The following KCNIP1 variants were observed in gnomAD, a reference collection of about 807,000 sequenced individuals.
KCNIP1 encodes the protein potassium voltage-gated channel interacting protein 1, also known as A-type potassium channel modulatory protein KCNIP1.
In KCNIP1, 18 loss-of-function variants were observed where a neutral mutation model predicts 33.0. The ratio of observed to expected loss-of-function variants is 0.55; its 90% CI spans 0.38 to 0.81. The LOEUF is 0.81. Ranked by LOEUF, KCNIP1 falls within the 30% of genes least tolerant of loss-of-function variation. The pLI is 0.00. For synonymous variants in KCNIP1, 93 were observed against 98.3 expected (o/e 0.95, Z 0.32); for missense variants, 238 against 271.6 (o/e 0.88, Z 0.87).
chr5:170,463,017 A>G (rs930836394), intron 1 of KCNIP1, among the ~76,000 whole-genome samples: 10 of 152,310 alleles, frequency 6.6e-5, no homozygotes, highest in African/African-American at 2.4e-4. Context: ...AATATGGTGC[A>G]GTATATACTG....
At chr5:170,395,298 G>A (rs1754730426) in intron 1 of KCNIP1, among the ~76,000 whole-genome samples, 1 of 152,132 alleles carries the variant, frequency 6.6e-6, no homozygotes, top group African/African-American at 2.4e-5. Context: ...ATTCTGACTG[G>A]TACGAGGTGA....
At chr5:170,503,218 C>T (rs1452248616), upstream of KCNIP1, among the ~76,000 whole-genome samples, 1 of 151,792 alleles carries the variant, frequency 6.6e-6, no homozygotes, top group Non-Finnish European at 1.5e-5. Context: ...GGCGAAACCC[C>T]GTCTCTATTA....
At chr5:170,508,728 A>G (rs896468263) in intron 1 of KCNIP1, among the ~76,000 whole-genome samples, 1 of 152,164 alleles carries the variant, frequency 6.6e-6, no homozygotes, top group African/African-American at 2.4e-5. Context: ...TGCCTTGTCT[A>G]ATAGTTAAAA....
At chr5:170,447,738 G>C (rs2113060310) in intron 1 of KCNIP1, among the ~76,000 whole-genome samples, 1 of 151,978 alleles carries the variant, frequency 6.6e-6, no homozygotes, top group East Asian at 1.9e-4. Context: ...ATTTCAGTGG[G>C]CCAACGAATG....
At chr5:170,639,202 C>T (rs544785806) in intron 1 of KCNIP1, 1 of 152,318 alleles carries the variant, frequency 6.6e-6, no homozygotes, top group Non-Finnish European at 1.5e-5. Context: ...GAATGACATT[C>T]GACTCTGCTT....
At chr5:170,664,410 C>T (rs1310173106) in intron 1 of KCNIP1, among the ~76,000 whole-genome samples, 3 of 152,156 alleles carry the variant, frequency 2.0e-5, no homozygotes, top group African/African-American at 7.2e-5. Context: ...CCTCCCTGTG[C>T]AAGTGCTCAT....
intron 1 of KCNIP1, among the ~76,000 whole-genome samples, chr5:170,364,711 A>G (rs1368832425): frequency 1.3e-5 from 2 of 152,196 alleles, no homozygotes; most frequent in Non-Finnish European, 2.9e-5. Flanking sequence ...GCTTTTCTGC[A>G]CAGCCCTTAC....
chr5:170,589,710 T>TTGGTGTGGTG (rs879743726), intron 1 of KCNIP1, among the ~76,000 whole-genome samples: 11,676 of 136,076 alleles, frequency 0.086, 576 homozygotes, highest in South Asian at 0.12. Flanking sequence ...TCTGTTTGGT[T>TTGGTGTGGTG]TGGTGTGGTG....
chr5:170,606,581 G>C (rs980463834), intron 1 of KCNIP1, among the ~76,000 whole-genome samples: 2 of 152,114 alleles, frequency 1.3e-5, no homozygotes, highest in Non-Finnish European at 2.9e-5. Flanking sequence ...CCAGAAGGTG[G>C]CCATCTCAAA....
intron 1 of KCNIP1, among the ~76,000 whole-genome samples, chr5:170,445,178 C>T (rs954068606): frequency 1.3e-5 from 2 of 152,132 alleles, no homozygotes; most frequent in African/African-American, 4.8e-5. Flanking sequence ...CTGTGGGGCC[C>T]AGGGTTTTAT....
intron 1 of KCNIP1, among the ~76,000 whole-genome samples, chr5:170,367,324 G>A (rs1366186586): frequency 8.9e-6 from 1 of 112,078 alleles, no homozygotes; most frequent in Non-Finnish European, 1.9e-5. Flanking sequence ...CAAAAAAAAA[G>A]AAGAAAGAAG....
chr5:170,508,078 G>A (rs1055202376), intron 1 of KCNIP1, among the ~76,000 whole-genome samples: 4 of 152,182 alleles, frequency 2.6e-5, no homozygotes, highest in Non-Finnish European at 4.4e-5. Context: ...GCTTGTCAGC[G>A]GGGCAGGAGA....
chr5:170,385,167 C>T, intron 1 of KCNIP1: 1 of 882,102 alleles, frequency 1.1e-6, no homozygotes, highest in Non-Finnish European at 1.8e-6. Flanking sequence ...TGCACTTGAA[C>T]CCTAGAACCT....
intron 1 of KCNIP1, among the ~76,000 whole-genome samples, chr5:170,404,292 T>G (rs932495972): frequency 2.6e-5 from 4 of 152,148 alleles, no homozygotes; most frequent in African/African-American, 9.7e-5. Context: ...ACTATGTGCA[T>G]TTATAAATTT....
At chr5:170,464,623 A>T (rs2113116534) in intron 1 of KCNIP1, among the ~76,000 whole-genome samples, 1 of 152,334 alleles carries the variant, frequency 6.6e-6, no homozygotes, top group East Asian at 1.9e-4. Flanking sequence ...GCTCAAAGAA[A>T]TATGGGGAAT....
chr5:170,680,796 T>C (rs527337866), intron 1 of KCNIP1: 1 of 292,622 alleles, frequency 3.4e-6, no homozygotes, highest in Non-Finnish European at 6.3e-6. Context: ...AGCAGAAGAT[T>C]AGGGACTGGT....
intron 1 of KCNIP1, among the ~76,000 whole-genome samples, chr5:170,517,957 G>T (rs994731162): frequency 6.7e-6 from 1 of 150,032 alleles, no homozygotes; most frequent in Admixed American, 6.6e-5. Context: ...GACGGTGGTG[G>T]TGGTAGTGAT....
intron 1 of KCNIP1, among the ~76,000 whole-genome samples, chr5:170,699,117 A>T (rs1763002316): frequency 1.3e-5 from 2 of 152,192 alleles, no homozygotes; most frequent in Admixed American, 6.5e-5. Flanking sequence ...GAATTTCTTC[A>T]TATACAAAAT....
At chr5:170,627,909 A>G (rs956540154) in intron 1 of KCNIP1, among the ~76,000 whole-genome samples, 1 of 152,186 alleles carries the variant, frequency 6.6e-6, no homozygotes, top group African/African-American at 2.4e-5. Flanking sequence ...CAGCATGAGA[A>G]TATCGGGTGA....
Sources: gnomAD v4.1 joint callset for allele counts (sites outside exome capture counted in the v4.1 genomes callset) on GRCh38, gnomAD v4.1.1 for gene constraint, MANE v1.5 for transcripts, NCBI Gene and HGNC (gene_info 2026-07-23, HGNC 2026-07-21) for gene names.